Variants in CTNNA3 observed in about 807,000 individuals in gnomAD.
The protein encoded by CTNNA3 is catenin alpha-3.
Under a neutral mutation model 95.7 loss-of-function variants are expected in CTNNA3, and 76 were observed. The observed-to-expected ratio is 0.79, with a 90% CI of 0.66 to 0.96. The LOEUF (loss-of-function observed/expected upper bound fraction) is 0.96, where lower values mean the gene tolerates loss of function less well. Among genes scored for constraint, CTNNA3 ranks in the 40% least tolerant of loss-of-function variants. The probability of loss-of-function intolerance (pLI) is 0.00; values close to 1 mark genes in which losing one functional copy is unlikely to be tolerated. For missense variants in CTNNA3, 1,191 were observed against 1,089.8 expected, an observed-to-expected ratio of 1.09 and a Z score of -1.31; for synonymous variants, 431 against 374.4, an observed-to-expected ratio of 1.15 and a Z score of -1.74.
At chr10:66,292,329 A>T (rs2091696888) in intron 12 of CTNNA3, among the ~76,000 whole-genome samples, 1 of 152,150 alleles carries the variant, frequency 6.6e-6, no homozygotes, top group Admixed American at 6.5e-5. Context: ...AAGTTCTATC[A>T]ATTCAATGAT....
At chr10:66,174,166 A>C (rs1206650753) in intron 13 of CTNNA3, among the ~76,000 whole-genome samples, 1 of 152,180 alleles carries the variant, frequency 6.6e-6, no homozygotes, top group Non-Finnish European at 1.5e-5. Context: ...CACAGCTAGA[A>C]AAAGGCGGAT....
intron 2 of CTNNA3, among the ~76,000 whole-genome samples, chr10:67,639,923 A>C (rs1347291586): frequency 6.6e-6 from 1 of 152,228 alleles, no homozygotes; most frequent in African/African-American, 2.4e-5. Flanking sequence ...AAAAACTGGA[A>C]GAATTCCATT....
intron 5 of CTNNA3, among the ~76,000 whole-genome samples, chr10:67,357,194 C>T (rs1488956339): frequency 1.3e-5 from 2 of 152,062 alleles, no homozygotes; most frequent in Non-Finnish European, 2.9e-5. Context: ...ACTTTTAACT[C>T]TCCTCACTGT....
intron 11 of CTNNA3, among the ~76,000 whole-genome samples, chr10:66,458,478 G>A (rs901499530): frequency 9.9e-5 from 15 of 152,086 alleles, no homozygotes; most frequent in Non-Finnish European, 1.8e-4. Flanking sequence ...CAATTCAGTG[G>A]TATTAAGTGC....
intron 10 of CTNNA3, among the ~76,000 whole-genome samples, chr10:66,533,640 C>T (rs926135603): frequency 2.0e-5 from 3 of 152,114 alleles, no homozygotes; most frequent in African/African-American, 2.4e-5. Flanking sequence ...CAAATAGAAT[C>T]CCTCTTCCCA....
intron 1 of CTNNA3, among the ~76,000 whole-genome samples, chr10:67,702,120 A>G (rs1841044707): frequency 6.6e-6 from 1 of 152,222 alleles, no homozygotes; most frequent in African/African-American, 2.4e-5. Flanking sequence ...ACCCAGATTC[A>G]TAAAGCAAGT....
At chr10:66,512,479 G>T (rs1378560374) in intron 11 of CTNNA3, among the ~76,000 whole-genome samples, 2 of 151,754 alleles carry the variant, frequency 1.3e-5, no homozygotes, top group Non-Finnish European at 2.9e-5. Context: ...GTGGTTTGGT[G>T]GTTTTCTGTA....
At chr10:67,329,968 TA>T (rs1472163175) in intron 5 of CTNNA3, among the ~76,000 whole-genome samples, 5 of 152,228 alleles carry the variant, frequency 3.3e-5, no homozygotes, top group Non-Finnish European at 7.3e-5. Flanking sequence ...AGATGCCAGC[TA>T]GAGTTCCAAC....
At chr10:67,292,407 T>C (rs1019421678) in intron 5 of CTNNA3, among the ~76,000 whole-genome samples, 2 of 152,120 alleles carry the variant, frequency 1.3e-5, no homozygotes, top group Non-Finnish European at 2.9e-5. Context: ...TATTTTTTTT[T>C]CCGAGTCCCA....
chr10:66,245,407 C>A (rs952286174), intron 13 of CTNNA3, among the ~76,000 whole-genome samples: 7 of 152,212 alleles, frequency 4.6e-5, no homozygotes, highest in Admixed American at 1.3e-4. Flanking sequence ...TGCAACATGG[C>A]AAACAAGGGA....
chr10:66,964,203 T>G (rs1029169076), intron 7 of CTNNA3, among the ~76,000 whole-genome samples: 2 of 152,218 alleles, frequency 1.3e-5, no homozygotes, highest in East Asian at 3.9e-4. Context: ...GTCACACTGC[T>G]TTGGGATTCA....
intron 9 of CTNNA3, among the ~76,000 whole-genome samples, chr10:66,692,109 C>G (rs4745913): frequency 2.0e-5 from 3 of 151,428 alleles, no homozygotes; most frequent in African/African-American, 7.3e-5. Context: ...CAAAGCTGGA[C>G]AGAGAATGAC....
At chr10:67,231,462 G>A (rs962210761) in intron 5 of CTNNA3, among the ~76,000 whole-genome samples, 1 of 152,142 alleles carries the variant, frequency 6.6e-6, no homozygotes, top group African/African-American at 2.4e-5. Context: ...GCAGCTGAGG[G>A]TCCTGTCTGT....
At chr10:67,052,024 G>T (rs969267592) in intron 7 of CTNNA3, among the ~76,000 whole-genome samples, 2 of 152,036 alleles carry the variant, frequency 1.3e-5, no homozygotes, top group Non-Finnish European at 2.9e-5. Context: ...CAAAGTGCTG[G>T]GATTACAGGC....
rs1245601912 is a variant in CTNNA3, at chr10:66,009,067, T to A, written c.2160-20270A>T. 9.2e-5 allele frequency among the ~76,000 whole-genome samples: 14 copies of A among 152,082 alleles called. 1 individual carries two copies. The East Asian group carries it at 2.7e-3, about 29-fold the overall frequency. On this transcript the variant is annotated intron_variant, in intron 15 of 17. Coordinates refer to ENST00000433211, the MANE Select transcript of CTNNA3 (RefSeq NM_013266.4). Reference sequence around the variant, plus strand: ...GTGAGCCGAGATGGTGCCACTGCACTCCAGCCTGGGTGACAGAGTGAGACT... The same window carrying A: ...GTGAGCCGAGATGGTGCCACTGCACACCAGCCTGGGTGACAGAGTGAGACT...
Position 66,381,017 on chromosome 10 carries a change from A to G in CTNNA3, c.1532-1665T>C, listed in dbSNP as rs1044560557. Among the ~76,000 whole-genome samples, 3 of 152,162 alleles carry G rather than the reference A, an allele frequency of 2.0e-5. No individual in the cohort carries two copies. The East Asian group carries it at 5.8e-4, about 29-fold the overall frequency. ...AATGAGACAGAAGGTTAACAAGGATATCCAGGACCTGAACTCAGCTCTGCA... is the reference window on the plus strand; with the variant it reads ...AATGAGACAGAAGGTTAACAAGGATGTCCAGGACCTGAACTCAGCTCTGCA... On this transcript the variant is annotated intron_variant, in intron 11 of 17. Coordinates refer to ENST00000433211, the MANE Select transcript of CTNNA3 (RefSeq NM_013266.4).
intron 5 of CTNNA3, among the ~76,000 whole-genome samples, chr10:67,223,416 G>A (rs1200501713): frequency 6.6e-6 from 1 of 152,132 alleles, no homozygotes; most frequent in Admixed American, 6.6e-5. Flanking sequence ...GTTAATCAGG[G>A]ATTTCTTTGG....
intron 1 of CTNNA3, among the ~76,000 whole-genome samples, chr10:67,746,614 C>T (rs1233370925): frequency 6.6e-6 from 1 of 152,192 alleles, no homozygotes; most frequent in African/African-American, 2.4e-5. Context: ...CCCCCACCTG[C>T]AGCCAAGGGA....
At chr10:66,435,774 G>T (rs187632610) in intron 11 of CTNNA3, among the ~76,000 whole-genome samples, 1 of 152,096 alleles carries the variant, frequency 6.6e-6, no homozygotes, top group Non-Finnish European at 1.5e-5. Context: ...TGATGTTAGG[G>T]CGTCAAATTT....
Sources: allele counts gnomAD v4.1 joint callset (sites outside exome capture counted in the v4.1 genomes callset), GRCh38; gene constraint gnomAD v4.1.1; transcripts MANE v1.5; gene names NCBI Gene and HGNC (gene_info 2026-07-23, HGNC 2026-07-21).